Variants in PML observed in about 807,000 individuals in gnomAD.
PML encodes protein PML.
A neutral mutation model predicts 65.2 loss-of-function variants in PML; 28 were observed. The ratio of observed to expected loss-of-function variants is 0.43; its 90% CI spans 0.32 to 0.59. The LOEUF is 0.59. PML is among the 20% of genes least tolerant of loss of function. The probability of loss-of-function intolerance (pLI) is 0.08; values close to 1 mark genes in which losing one functional copy is unlikely to be tolerated. For missense variants in PML, 1,021 were observed against 1,203.4 expected, an observed-to-expected ratio of 0.85 and a Z score of 2.24; for synonymous variants, 500 against 508.8, an observed-to-expected ratio of 0.98 and a Z score of 0.23.
chr15:74,037,031 A>G lies in PML; in HGVS notation c.1710+2501A>G. On this transcript the variant is annotated intron_variant, in intron 7 of 8. Transcript: ENST00000268058. The surrounding 1 kb of genome is among the most constrained non-coding windows in gnomAD (Gnocchi z 4.2). ...CCAGCAGAAAATCCTGGAAGGACTC[A>G]GGAGCTTGTCGCCTCTGTGCTGCCA... The G allele has an allele frequency of 1.0e-6, 1 of 985,416 alleles. No individual in the cohort carries two copies. The highest frequency in any genetic ancestry group is 1.7e-5 in the African/African-American group (1 of 57,362). 61.0% of individuals were successfully genotyped at this position (985,416 alleles called of 1,614,324 possible).
Position 74,032,648 on chromosome 15 carries a change from A to C in PML, c.1331A>C (p.Gln444Pro). The change falls in exon 5 of 9, where the codon CAG (glutamine) becomes CCG (proline). Residue 444 changes from glutamine (Q) to proline (P), a missense_variant. Physicochemically the swap from Gln to Pro is moderately conservative, Grantham distance 76 (BLOSUM62 -1). Coordinates refer to ENST00000268058, the MANE Select transcript of PML (RefSeq NM_033238.3). ...GAAGCCCAGCCTATGGCTGTGGTACAGTCAGTGCCCGGGGCACACCCCGTG... is the reference window on the plus strand; with the variant it reads ...GAAGCCCAGCCTATGGCTGTGGTACCGTCAGTGCCCGGGGCACACCCCGTG... ...LAEAQPMAVV[Q>P]SVPGAHPVPV... 1 of 1,614,190 alleles carries C rather than the reference A, an allele frequency of 6.2e-7. No homozygotes were observed. Among genetic ancestry groups the C allele is most frequent in the South Asian group, 1.1e-5 (1 of 91,086 alleles).
At chr15:74,038,256 G>A (rs1332910574) in intron 7 of PML, among the ~76,000 whole-genome samples, 1 of 152,146 alleles carries the variant, frequency 6.6e-6, no homozygotes, top group Non-Finnish European at 1.5e-5. Context: ...AGATGTCATG[G>A]AGAATCAAGT....
chr15:74,036,847 C>A, intron 7 of PML: 1 of 769,780 alleles, frequency 1.3e-6, no homozygotes, highest in Non-Finnish European at 1.6e-6. Context: ...CCGTGCCCTG[C>A]ACCTTGCCAT....
intron 2 of PML, among the ~76,000 whole-genome samples, chr15:74,003,983 C>T (rs1266835812): frequency 3.3e-5 from 5 of 152,162 alleles, no homozygotes; most frequent in Non-Finnish European, 7.3e-5. Context: ...GTGCTTTCAC[C>T]TCAGAATATA....
Position 74,042,891 on chromosome 15 carries a change from C to G in PML, c.1711-98C>G. Reference sequence around the variant, plus strand: ...CCAGTGGTACACCCTCCTTCATGTGCACGCAGATGCTCCCAGCTATACCAG... The same window carrying G: ...CCAGTGGTACACCCTCCTTCATGTGGACGCAGATGCTCCCAGCTATACCAG... On this transcript the variant is annotated intron_variant, in intron 7 of 8. Transcript: ENST00000268058. This position sits in a 1 kb window ranked among gnomAD's most constrained non-coding sequence, Gnocchi z 5.3. The G allele has an allele frequency of 1.2e-6, 2 of 1,603,966 alleles. No individual in the cohort carries two copies. The highest frequency in any genetic ancestry group is 2.7e-5 in the African/African-American group (2 of 74,846).
rs749032616 is a variant in PML, at chr15:74,035,196, G to A, written c.1710+666G>A. ...GTGCATGGAGCCCATGGAGACCGCC[G>A]AGCCACAGTCCTCGCCAGCCCACTC... On this transcript the variant is annotated intron_variant, in intron 7 of 8. Coordinates refer to ENST00000268058, the MANE Select transcript of PML (RefSeq NM_033238.3). The surrounding 1 kb of genome is among the most constrained non-coding windows in gnomAD (Gnocchi z 4.1). The A allele has an allele frequency of 4.2e-6, 6 of 1,430,318 alleles. No homozygotes were observed. Among genetic ancestry groups the A allele is most frequent in the East Asian group, 4.6e-5 (2 of 43,916 alleles). 88.6% of individuals were successfully genotyped at this position (1,430,318 alleles called of 1,614,324 possible).
At position 74,035,188 on chromosome 15, in the gene PML, A is replaced by G; in HGVS notation, c.1710+658A>G. On this transcript the variant is annotated intron_variant, in intron 7 of 8. Coordinates refer to ENST00000268058, the MANE Select transcript of PML (RefSeq NM_033238.3). This position sits in a 1 kb window ranked among gnomAD's most constrained non-coding sequence, Gnocchi z 4.1. The stretch of plus-strand genomic sequence containing the variant: ...ATTGGAAAGTGCATGGAGCCCATGG[A>G]GACCGCCGAGCCACAGTCCTCGCCA... The G allele has an allele frequency of 7.3e-7, 1 of 1,365,106 alleles. No individual in the cohort carries two copies. Among genetic ancestry groups the G allele is most frequent in the Non-Finnish European group, 1.0e-6 (1 of 953,590 alleles). 84.6% of individuals were successfully genotyped at this position (1,365,106 alleles called of 1,614,324 possible).
At chr15:74,026,237 C>T (rs1368314994) in intron 4 of PML, 1 of 152,532 alleles carries the variant, frequency 6.6e-6, no homozygotes, top group East Asian at 1.9e-4. Context: ...GTGGCGTGAT[C>T]TCGGCTCACT....
intron 2 of PML, among the ~76,000 whole-genome samples, chr15:74,004,505 T>C (rs879482391): frequency 2.0e-5 from 3 of 152,184 alleles, no homozygotes; most frequent in Admixed American, 1.3e-4. Context: ...TCTCACTATA[T>C]TGCCCAGGCT....
chr15:74,020,127 C>T (rs1187205663), intron 2 of PML, among the ~76,000 whole-genome samples: 1 of 152,110 alleles, frequency 6.6e-6, no homozygotes, highest in African/African-American at 2.4e-5. Context: ...TAGTTCTTTT[C>T]ATAATTGCTT....
At chr15:74,007,327 G>A (rs1284723129) in intron 2 of PML, among the ~76,000 whole-genome samples, 1 of 152,170 alleles carries the variant, frequency 6.6e-6, no homozygotes, top group Non-Finnish European at 1.5e-5. Context: ...ATTTTGGAGT[G>A]GCATATTTTT....
chr15:74,034,270 G>T, intron 6 of PML: 1 of 662,600 alleles, frequency 1.5e-6, no homozygotes, highest in South Asian at 1.7e-5. Flanking sequence ...GGCACAGCAA[G>T]AAATTATGGA....
rs1344748994 is a variant in PML at position 74,047,499 on chromosome 15, A to G, written c.*2491A>G. ...GTCACCTGTGCTTCATCTTTGGACT[A>G]TATCTCAGGTGTTTACGTGTCAACT... On this transcript the variant is annotated 3_prime_UTR_variant, in exon 9 of 9. Coordinates refer to ENST00000268058, the MANE Select transcript of PML (RefSeq NM_033238.3). 4.5e-6 allele frequency: 1 copy of G among 222,820 alleles called. No individual in the cohort carries two copies. Among genetic ancestry groups the G allele is most frequent in the African/African-American group, 2.2e-5 (1 of 44,730 alleles). The allele number at this position is 222,820 out of a possible 1,614,324, so 13.8% of individuals were successfully genotyped here. A position where few individuals can be genotyped will look rare whatever the true frequency, so the allele number is the denominator to read the frequency against.
At position 74,037,464 on chromosome 15, in the gene PML, T is replaced by C. The variant is rs562036971; in HGVS notation, c.1710+2934T>C. 2,662 of 985,370 alleles carry C rather than the reference T, an allele frequency of 2.7e-3. 2 individuals carry two copies. Among genetic ancestry groups the C allele is most frequent in the Middle Eastern group, 5.2e-3 (10 of 1,914 alleles). The allele number at this position is 985,370 out of a possible 1,614,324, so 61.0% of individuals were successfully genotyped here. A position where few individuals can be genotyped will look rare whatever the true frequency, so the allele number is the denominator to read the frequency against. On this transcript the variant is annotated intron_variant, in intron 7 of 8. Transcript: ENST00000268058. The surrounding 1 kb of genome is among the most constrained non-coding windows in gnomAD (Gnocchi z 4.2). ...CTAATGTATCCACTGCCTTCTGAAC[T>C]AAACACCCTGAATGAGGTCTTTCTC...
chr15:74,024,772 A>G, intron 3 of PML, 85 bp from the exon 4 acceptor site: 1 of 974,920 alleles, frequency 1.0e-6, no homozygotes, highest in Admixed American at 1.7e-5. Context: ...AGCAACAGGG[A>G]CCTCCTCTCT....
In PML at chr15:74,043,745, T is replaced by A. The variant is rs1333274139; in HGVS notation, c.1862-476T>A. ...CAAGTGTTTTCATGGTACAGAAAAG[T>A]CATTTGCAGACCTCAGTGGGAGGCT... is the stretch of plus-strand genomic sequence containing the variant. On this transcript the variant is annotated intron_variant, in intron 8 of 8. Transcript: ENST00000268058. This position sits in a 1 kb window ranked among gnomAD's most constrained non-coding sequence, Gnocchi z 4.3. 1 of 529,548 alleles carries A rather than the reference T, an allele frequency of 1.9e-6. No homozygotes were observed. The highest frequency in any genetic ancestry group is 3.7e-6 in the Non-Finnish European group (1 of 266,944). 32.8% of individuals were successfully genotyped at this position (529,548 alleles called of 1,614,324 possible). A position where few individuals can be genotyped will look rare whatever the true frequency, so the allele number is the denominator to read the frequency against.
In PML at chr15:74,043,701, C is replaced by A. The variant is rs757018595; in HGVS notation, c.1862-520C>A. ...GGCATGGACTCAACATTGGGGCTAG[C>A]CCAGCCAGACAGAAACAGCAAGTGT... On this transcript the variant is annotated intron_variant, in intron 8 of 8. Coordinates refer to ENST00000268058, the MANE Select transcript of PML (RefSeq NM_033238.3). This position sits in a 1 kb window ranked among gnomAD's most constrained non-coding sequence, Gnocchi z 4.3. 5.7e-6 allele frequency: 3 copies of A among 530,868 alleles called. No individual in the cohort carries two copies. The highest frequency in any genetic ancestry group is 4.2e-5 in the South Asian group (3 of 71,594). 32.9% of individuals were successfully genotyped at this position (530,868 alleles called of 1,614,324 possible).
chr15:74,033,757 A>G, intron 6 of PML: 3 of 593,644 alleles, frequency 5.1e-6, no homozygotes, highest in Non-Finnish European at 9.0e-6. Flanking sequence ...TGGGCATACC[A>G]TAACAGGAAA....
At position 73,994,936 on chromosome 15, in the gene PML, A is replaced by C. The variant is rs748479176; in HGVS notation, c.124A>C (p.Thr42Pro). The C allele has an allele frequency of 1.3e-6, 2 of 1,542,808 alleles. No individual in the cohort carries two copies. The highest frequency in any genetic ancestry group is 4.0e-5 in the Admixed American group (2 of 49,760). Residue 42 changes from threonine (T) to proline (P), a missense_variant, in exon 1 of 9, where the codon ACA becomes CCA. Coordinates refer to ENST00000268058, the MANE Select transcript of PML (RefSeq NM_033238.3). ...GRQPSPSPSP[T>P]ERAPASEEEF... ...CCAGCCCAGCCCCAGCCCCAGCCCT[A>C]CAGAGGTACTATTGGGTTAGGGGAT...
Sources: gnomAD v4.1 joint callset for allele counts (sites outside exome capture counted in the v4.1 genomes callset) on GRCh38, gnomAD v4.1.1 for gene constraint, Gnocchi (gnomAD v3.1) non-coding constraint, MANE v1.5 for transcripts, NCBI Gene and HGNC (gene_info 2026-07-23, HGNC 2026-07-21) for gene names.